The following FOXP2 variants were observed in gnomAD, a reference collection of about 807,000 sequenced individuals.
FOXP2 encodes forkhead box protein P2.
In FOXP2, 12 loss-of-function variants were observed where a neutral mutation model predicts 115.8. That is an observed-to-expected ratio of 0.10 (90% CI 0.07 to 0.17). FOXP2 has a LOEUF of 0.17. Ranked by LOEUF, FOXP2 falls within the 10% of genes least tolerant of loss-of-function variation. FOXP2 has a pLI of 1.00. For missense variants in FOXP2, 629 were observed against 843.5 expected (o/e 0.75, Z 3.15); for synonymous variants, 328 against 297.7 (o/e 1.10, Z -1.05).
rs185334287 is a variant in FOXP2 at position 114,227,468 on chromosome 7, T to C, written c.-101-60551T>C. On this transcript the variant is annotated intron_variant, in intron 1 of 17. Transcript: ENST00000634411. ...AACTTTGTGCTTTCTTTTTCTTTAA[T>C]AAACACTTAAAAATATATTGCTTGC... Among the ~76,000 whole-genome samples the C allele has an allele frequency of 3.8e-3, 577 of 152,184 alleles. 7 individuals are homozygous for C. The highest frequency in any genetic ancestry group is 0.013 in the African/African-American group (559 of 41,564).
intron 2 of FOXP2, among the ~76,000 whole-genome samples, chr7:114,376,812 C>G (rs1311078351): frequency 6.6e-6 from 1 of 152,046 alleles, no homozygotes; most frequent in East Asian, 1.9e-4. Flanking sequence ...TGTCAAAAGG[C>G]TGATTATGAC....
intron 2 of FOXP2, among the ~76,000 whole-genome samples, chr7:114,370,593 T>C (rs1791980497): frequency 6.6e-6 from 1 of 152,136 alleles, no homozygotes. Context: ...ACATGGACAT[T>C]CTTACTAGGT....
chr7:114,358,792 G>A (rs920060218), intron 2 of FOXP2, among the ~76,000 whole-genome samples: 1 of 152,122 alleles, frequency 6.6e-6, no homozygotes, highest in Non-Finnish European at 1.5e-5. Flanking sequence ...GGTGACTGGA[G>A]GTTCTTAACA....
At chr7:114,458,457 A>T (rs1473524254) in intron 2 of FOXP2, among the ~76,000 whole-genome samples, 2 of 151,276 alleles carry the variant, frequency 1.3e-5, no homozygotes, top group African/African-American at 4.9e-5. Flanking sequence ...AATATAAACT[A>T]TTTTAAGAGC....
rs540825433 is a variant in FOXP2 at position 114,625,400 on chromosome 7, G to A, written c.259-3140G>A. On this transcript the variant is annotated intron_variant, in intron 3 of 16. Coordinates refer to ENST00000350908, the MANE Select transcript of FOXP2 (RefSeq NM_014491.4). ...GCATGAATCAAATTACATATCTAGC[G>A]AAAAATAGTTCCGTTAGTCTAACAC... 1.5e-4 allele frequency among the ~76,000 whole-genome samples: 22 copies of A among 151,674 alleles called. No individual in the cohort carries two copies. In the South Asian group the frequency reaches 1.9e-3, roughly 13 times the overall value.
intron 1 of FOXP2, among the ~76,000 whole-genome samples, chr7:114,249,178 A>G (rs1467124150): frequency 2.0e-5 from 3 of 152,182 alleles, no homozygotes; most frequent in South Asian, 4.1e-4. Context: ...ACCATTTTAT[A>G]TAAAGTAACC....
intron 2 of FOXP2, among the ~76,000 whole-genome samples, chr7:114,370,081 GA>G (rs1371668517): frequency 6.6e-6 from 1 of 152,026 alleles, no homozygotes; most frequent in Admixed American, 6.6e-5. Context: ...AAAGTATTGG[GA>G]AAAAAATATG....
chr7:114,125,770 G>A (rs1446661869), intron 1 of FOXP2, among the ~76,000 whole-genome samples: 1 of 152,058 alleles, frequency 6.6e-6, no homozygotes, highest in Non-Finnish European at 1.5e-5. Flanking sequence ...AAGGGCATCA[G>A]TAGAGGGATT....
intron 2 of FOXP2, among the ~76,000 whole-genome samples, chr7:114,315,063 T>C (rs1797242142): frequency 6.6e-6 from 1 of 152,198 alleles, no homozygotes. Context: ...CAGGTGCATA[T>C]ACTTTGCCTC....
chr7:114,158,365 T>A (rs1256085337), upstream of FOXP2, among the ~76,000 whole-genome samples: 1 of 152,042 alleles, frequency 6.6e-6, no homozygotes, highest in African/African-American at 2.4e-5. Flanking sequence ...GGTATTTATT[T>A]TTTTTTTAAT....
chr7:114,252,107 A>G (rs1024785472), intron 1 of FOXP2, among the ~76,000 whole-genome samples: 35 of 152,174 alleles, frequency 2.3e-4, no homozygotes, highest in African/African-American at 8.4e-4. Flanking sequence ...TGATTTGCAT[A>G]TGTTGAACCA....
At chr7:114,151,926 T>G (rs536799450) in intron 1 of FOXP2, among the ~76,000 whole-genome samples, 4 of 152,146 alleles carry the variant, frequency 2.6e-5, no homozygotes, top group African/African-American at 9.6e-5. Flanking sequence ...TAAAAGAAAA[T>G]AGTAATCTCA....
At chr7:114,268,225 A>G (rs1795946561) in intron 1 of FOXP2, among the ~76,000 whole-genome samples, 1 of 152,202 alleles carries the variant, frequency 6.6e-6, no homozygotes, top group African/African-American at 2.4e-5. Context: ...CTCTGTGGAC[A>G]TGAACATGTA....
intron 1 of FOXP2, among the ~76,000 whole-genome samples, chr7:114,136,381 G>A (rs1435669208): frequency 6.6e-6 from 1 of 151,902 alleles, no homozygotes. Context: ...CTCAATTTTT[G>A]GCTTTTGATT....
chr7:114,223,907 AT>A (rs928525428), intron 1 of FOXP2, among the ~76,000 whole-genome samples: 1 of 151,924 alleles, frequency 6.6e-6, no homozygotes, highest in African/African-American at 2.4e-5. Flanking sequence ...TTAGGAAAAT[AT>A]TTTTTATCCC....
intron 3 of FOXP2, among the ~76,000 whole-genome samples, chr7:114,584,284 T>C (rs1390662801): frequency 6.6e-6 from 1 of 152,168 alleles, no homozygotes; most frequent in Non-Finnish European, 1.5e-5. Context: ...CAGTGCCTAT[T>C]TGAATGAACT....
intron 2 of FOXP2, among the ~76,000 whole-genome samples, chr7:114,432,400 G>C (rs1351048547): frequency 6.6e-6 from 1 of 151,910 alleles, no homozygotes. Flanking sequence ...AGCACAGATA[G>C]GAAAAGGAGA....
intron 2 of FOXP2, among the ~76,000 whole-genome samples, chr7:114,468,396 C>T (rs1006073087): frequency 7.2e-5 from 11 of 151,990 alleles, no homozygotes; most frequent in African/African-American, 2.7e-4. Flanking sequence ...GAAAATTCTT[C>T]AATTGTTTAT....
chr7:114,322,052 G>A (rs1050098216), intron 2 of FOXP2, among the ~76,000 whole-genome samples: 8 of 148,192 alleles, frequency 5.4e-5, no homozygotes, highest in Admixed American at 3.4e-4. Flanking sequence ...GATAGGGTCT[G>A]GCTCTGTCAC....
Sources: allele counts gnomAD v4.1 joint callset (sites outside exome capture counted in the v4.1 genomes callset), GRCh38; gene constraint gnomAD v4.1.1; transcripts MANE v1.5; gene names NCBI Gene and HGNC (gene_info 2026-07-23, HGNC 2026-07-21).